The following RUNX1T1 variants were observed in gnomAD, a reference collection of about 807,000 sequenced individuals.
RUNX1T1 encodes protein CBFA2T1.
Under a neutral mutation model 62.8 loss-of-function variants are expected in RUNX1T1, and 4 were observed. The observed-to-expected ratio is 0.06, with a 90% confidence interval of 0.03 to 0.15. The LOEUF is 0.15. Among genes scored for constraint, RUNX1T1 ranks in the 10% least tolerant of loss-of-function variants. The pLI, the probability that RUNX1T1 is intolerant of heterozygous loss-of-function variation, is 1.00. For missense variants in RUNX1T1, 508 were observed against 754.3 expected (o/e 0.67, Z 3.82); for synonymous variants, 291 against 286.0 (o/e 1.02, Z -0.18).
intron 1 of RUNX1T1, among the ~76,000 whole-genome samples, chr8:92,081,541 T>G (rs1009690794): frequency 4.0e-5 from 6 of 150,894 alleles, no homozygotes; most frequent in African/African-American, 1.2e-4. Flanking sequence ...TGGTAGTTTT[T>G]TTTTTTTTTT....
At chr8:91,955,306 T>C (rs1196484654), downstream of RUNX1T1, 5 of 224,662 alleles carry the variant, frequency 2.2e-5, no homozygotes, top group Non-Finnish European at 4.4e-5. Flanking sequence ...ATCTGCTAGT[T>C]TCTGGCCTTT....
intron 1 of RUNX1T1, among the ~76,000 whole-genome samples, chr8:92,042,616 C>T (rs1828670206): frequency 1.3e-5 from 2 of 152,332 alleles, no homozygotes; most frequent in South Asian, 4.1e-4. Flanking sequence ...CCATGCCCAC[C>T]CACTTGATCT....
chr8:91,963,983 C>T (rs1811072424), intron 10 of RUNX1T1, among the ~76,000 whole-genome samples: 1 of 151,980 alleles, frequency 6.6e-6, no homozygotes, highest in South Asian at 2.1e-4. Context: ...AATGTTATTC[C>T]CTTTTTGGCA....
At chr8:91,979,740 T>C (rs780309459) in intron 8 of RUNX1T1, 1 of 470,194 alleles carries the variant, frequency 2.1e-6, no homozygotes, top group South Asian at 1.8e-5. Context: ...GAGCAATCTA[T>C]GATGTATGAA....
At chr8:91,959,488 G>GTGTATATATA (rs1405432738) in exon 11 of RUNX1T1, 1 of 84,796 alleles carries the variant, frequency 1.2e-5, no homozygotes, top group Admixed American at 1.4e-4. Flanking sequence ...GTGTGTGTGT[G>GTGTATATATA]TATATATATA....
At chr8:91,990,886 G>A (rs1406272295) in intron 6 of RUNX1T1, among the ~76,000 whole-genome samples, 1 of 152,022 alleles carries the variant, frequency 6.6e-6, no homozygotes, top group East Asian at 1.9e-4. Context: ...TCAAACTTCT[G>A]AGCTCAAACT....
exon 1 of RUNX1T1, chr8:92,099,638 G>A: frequency 1.0e-6 from 1 of 985,390 alleles, no homozygotes; most frequent in African/African-American, 1.7e-5. Flanking sequence ...AAATCCTGCA[G>A]GTGCCAATTT....
At chr8:92,021,131 T>C (rs1824003677) in intron 1 of RUNX1T1, among the ~76,000 whole-genome samples, 1 of 152,184 alleles carries the variant, frequency 6.6e-6, no homozygotes. Flanking sequence ...TAGTAGTTAG[T>C]CTGAGTTAGT....
At chr8:91,976,573 GC>G (rs1447037669) in intron 8 of RUNX1T1, among the ~76,000 whole-genome samples, 1 of 152,204 alleles carries the variant, frequency 6.6e-6, no homozygotes, top group Non-Finnish European at 1.5e-5. Context: ...ATTCTGTTGA[GC>G]AGAGAGAATT....
chr8:92,038,049 T>TATTA (rs1360458903), intron 1 of RUNX1T1, among the ~76,000 whole-genome samples: 1 of 151,516 alleles, frequency 6.6e-6, no homozygotes, highest in Non-Finnish European at 1.5e-5. Context: ...AATTCTTCTT[T>TATTA]ATTTATTTAT....
chr8:92,100,380 A>G (rs1837979687), upstream of RUNX1T1, among the ~76,000 whole-genome samples: 1 of 152,240 alleles, frequency 6.6e-6, no homozygotes, highest in Non-Finnish European at 1.5e-5. Context: ...TTAGCTTTTC[A>G]AATAAAGTCA....
rs550043634 is a variant in RUNX1T1 at position 91,994,028 on chromosome 8, A to G, written c.660-2139T>C. 2.6e-5 allele frequency among the ~76,000 whole-genome samples: 4 copies of G among 152,196 alleles called. No homozygotes were observed. The South Asian group carries it at 8.3e-4, about 32-fold the overall frequency. The stretch of plus-strand genomic sequence containing the variant: ...CAACAACAACAAAAAAACTGAGGGT[A>G]AATCTGCAGAGCTTAATGTTGAAGA... On this transcript the variant is annotated intron_variant, in intron 5 of 10. Transcript: ENST00000396218.
chr8:91,967,706 C>T (rs983128790), intron 10 of RUNX1T1, among the ~76,000 whole-genome samples: 4 of 152,114 alleles, frequency 2.6e-5, no homozygotes, highest in African/African-American at 7.2e-5. Flanking sequence ...GTCTTCTGAT[C>T]GCGAATCTTA....
intron 1 of RUNX1T1, among the ~76,000 whole-genome samples, chr8:92,093,320 C>G (rs953890068): frequency 6.7e-6 from 1 of 149,448 alleles, no homozygotes; most frequent in Non-Finnish European, 1.5e-5. Context: ...TTTTTTTTTT[C>G]ATATTCACTC....
chr8:92,052,392 A>G (rs930283729), intron 1 of RUNX1T1, among the ~76,000 whole-genome samples: 1 of 152,204 alleles, frequency 6.6e-6, no homozygotes, highest in Non-Finnish European at 1.5e-5. Flanking sequence ...ATCTGAATAC[A>G]CTGTCAGAAA....
intron 1 of RUNX1T1, chr8:92,095,671 A>T (rs1164265461): frequency 8.7e-6 from 6 of 691,560 alleles, no homozygotes; most frequent in African/African-American, 1.9e-5. Flanking sequence ...AGACACAGGC[A>T]GGAGGGAAGG....
At chr8:92,008,104 T>G (rs1291222818) in intron 4 of RUNX1T1, among the ~76,000 whole-genome samples, 3 of 152,150 alleles carry the variant, frequency 2.0e-5, no homozygotes, top group Non-Finnish European at 4.4e-5. Context: ...TGACTGTATA[T>G]GCATAAGATT....
chr8:92,038,480 T>C (rs1309419307), intron 1 of RUNX1T1, among the ~76,000 whole-genome samples: 1 of 151,986 alleles, frequency 6.6e-6, no homozygotes, highest in African/African-American at 2.4e-5. Context: ...GTTCATGCTG[T>C]GGTCAAGGTT....
At chr8:92,100,404 TATA>T (rs1837980706), upstream of RUNX1T1, among the ~76,000 whole-genome samples, 1 of 152,230 alleles carries the variant, frequency 6.6e-6, no homozygotes, top group South Asian at 2.1e-4. Context: ...CTATCTAGTT[TATA>T]ATAAAATTAT....
Sources: allele counts gnomAD v4.1 joint callset (sites outside exome capture counted in the v4.1 genomes callset), GRCh38; gene constraint gnomAD v4.1.1; transcripts MANE v1.5; gene names NCBI Gene and HGNC (gene_info 2026-07-23, HGNC 2026-07-21).